PRUNE1: variants seen among roughly 807,000 people sequenced by gnomAD.
PRUNE1 encodes the protein exopolyphosphatase PRUNE1.
Under a neutral mutation model 42.5 loss-of-function variants are expected in PRUNE1, and 25 were observed. The ratio of observed to expected loss-of-function variants is 0.59; its 90% confidence interval spans 0.43 to 0.82. The LOEUF is 0.82. PRUNE1 is among the 40% of genes least tolerant of loss of function. The pLI is 0.00. For missense variants in PRUNE1, 443 were observed against 539.3 expected, an observed-to-expected ratio of 0.82 and a Z score of 1.77; for synonymous variants, 203 against 217.1, an observed-to-expected ratio of 0.93 and a Z score of 0.57.
chr1:151,018,229 C>A, intron 2 of PRUNE1: 1 of 696,454 alleles, frequency 1.4e-6, no homozygotes. Context: ...AAAATTCCTT[C>A]TCTGCAGCAT....
intron 3 of PRUNE1, among the ~76,000 whole-genome samples, chr1:151,023,756 A>G (rs1412067637): frequency 1.3e-5 from 2 of 151,802 alleles, no homozygotes; most frequent in East Asian, 1.9e-4. Context: ...GATGTTGGGT[A>G]TCAAGGGTGT....
At chr1:151,024,854 G>T (rs1674726563) in intron 4 of PRUNE1, 59 bp downstream of exon 4, 1 of 1,514,226 alleles carries the variant, frequency 6.6e-7, no homozygotes, top group African/African-American at 1.4e-5. Flanking sequence ...TGAGAAGGGA[G>T]GGTGGAAAAG....
intron 3 of PRUNE1, among the ~76,000 whole-genome samples, chr1:151,022,443 T>G (rs1321678465): frequency 1.5e-4 from 19 of 130,646 alleles, no homozygotes; most frequent in Admixed American, 4.1e-4. Flanking sequence ...TTAAGAGACG[T>G]AGTCTCGCTC....
rs1675421068 is a variant in PRUNE1, at chr1:151,034,122, A to C, written c.1250A>C (p.Asp417Ala). Residue 417 changes from aspartate (D) to alanine (A), a missense_variant, in exon 8 of 8, where the codon GAT becomes GCT. Physicochemically the swap from Asp to Ala is moderately radical, Grantham distance 126. Coordinates refer to ENST00000271620, the MANE Select transcript of PRUNE1 (RefSeq NM_021222.3). ...CCGACGCCCATGAACAGCTTGGTGG[A>C]TGAGTGCCCTCTAGATCAGGGGCTG... ...LPPTPMNSLV[D>A]ECPLDQGLPK... The C allele has an allele frequency of 1.9e-6, 3 of 1,614,214 alleles. No individual in the cohort carries two copies. The South Asian group carries it at 3.3e-5, about 18-fold the overall frequency.
intron 3 of PRUNE1, among the ~76,000 whole-genome samples, chr1:151,019,599 T>C (rs1278428413): frequency 2.0e-5 from 3 of 150,718 alleles, no homozygotes; most frequent in Admixed American, 6.6e-5. Flanking sequence ...TTTATTGTAA[T>C]AGAAACCTTT....
At chr1:151,012,183 T>C (rs1460249511) in intron 1 of PRUNE1, among the ~76,000 whole-genome samples, 1 of 151,956 alleles carries the variant, frequency 6.6e-6, no homozygotes, top group East Asian at 1.9e-4. Context: ...TTCCTCATGC[T>C]GCTAAGTATA....
chr1:151,008,903 G>T, intron 1 of PRUNE1: 1 of 676,438 alleles, frequency 1.5e-6, no homozygotes, highest in Non-Finnish European at 2.7e-6. Flanking sequence ...CCCGCCTTTG[G>T]GGTCCGCCTG....
chr1:151,018,533 G>A lies in PRUNE1; in HGVS notation c.199G>A (p.Gly67Ser). The A allele has an allele frequency of 5.6e-6, 9 of 1,613,980 alleles. No homozygotes were observed. Among genetic ancestry groups the A allele is most frequent in the African/African-American group, 1.3e-5 (1 of 75,040 alleles). Reference protein sequence around the residue: ...NIKRSELPLRGDIVFFLQKVH... With the variant: ...NIKRSELPLRSDIVFFLQKVH... ...AAAACGTTCTGAACTACCTCTGCGA[G>A]GTGACATTGTCTTCTTTCTTCAGAA... is the stretch of plus-strand genomic sequence containing the variant. Residue 67 changes from glycine to serine, a missense_variant, in exon 3 of 8, where the codon GGT becomes AGT. Transcript: ENST00000271620.
At chr1:151,029,139 C>CT (rs111677543) in intron 7 of PRUNE1, among the ~76,000 whole-genome samples, 195 bp downstream of exon 7, 4,318 of 143,666 alleles carry the variant, frequency 0.03, 182 homozygotes, top group African/African-American at 0.099. Context: ...TATGAATATC[C>CT]TTTTTTTTTT....
At chr1:151,017,778 C>T in intron 1 of PRUNE1, 34 bp from the exon 2 acceptor site, 3 of 1,347,816 alleles carry the variant, frequency 2.2e-6, no homozygotes, top group Non-Finnish European at 3.1e-6. Flanking sequence ...AATAGAGATA[C>T]TTTTGTTAGT....
intron 4 of PRUNE1, 68 bp from the exon 5 acceptor site, chr1:151,025,447 A>G: frequency 6.8e-7 from 1 of 1,473,148 alleles, no homozygotes; most frequent in Non-Finnish European, 9.3e-7. Context: ...TGTGAAGGTT[A>G]TATATGTTCT....
At chr1:151,026,847 CTTTTT>C (rs766393235) in intron 5 of PRUNE1, among the ~76,000 whole-genome samples, 3 of 128,608 alleles carry the variant, frequency 2.3e-5, no homozygotes, top group Non-Finnish European at 3.4e-5. Flanking sequence ...TTCTTTCTTT[CTTTTT>C]TTTTTTTTTT....
rs1334979488 is a variant in PRUNE1, at chr1:151,034,151, A to G, written c.1279A>G (p.Lys427Glu). ...GTGCCCTCTAGATCAGGGGCTGCCT[A>G]AACTCTCTGCTGAGGCCGTCTTCGA... ...DECPLDQGLP[K>E]LSAEAVFEKC... Residue 427 changes from lysine (K) to glutamate (E), a missense_variant, in exon 8 of 8, where the codon AAA (lysine) becomes GAA (glutamate). Coordinates refer to ENST00000271620, the MANE Select transcript of PRUNE1 (RefSeq NM_021222.3). 4 of 1,614,054 alleles carry G rather than the reference A, an allele frequency of 2.5e-6. No homozygotes were observed. The Admixed American group carries it at 5.0e-5, about 20-fold the overall frequency.
intron 7 of PRUNE1, among the ~76,000 whole-genome samples, chr1:151,029,217 A>G (rs1259463634): frequency 1.3e-5 from 2 of 151,788 alleles, no homozygotes; most frequent in Non-Finnish European, 2.9e-5. Flanking sequence ...TAGAGATTCA[A>G]TTCCTACTTT....
At chr1:151,032,644 G>GC (rs1675305407) in intron 7 of PRUNE1, among the ~76,000 whole-genome samples, 1 of 150,204 alleles carries the variant, frequency 6.7e-6, no homozygotes, top group African/African-American at 2.5e-5. Context: ...AACCGGGGAG[G>GC]CAGAGGTTGT....
intron 3 of PRUNE1, among the ~76,000 whole-genome samples, chr1:151,024,231 A>G (rs2102924780): frequency 6.6e-6 from 1 of 152,020 alleles, no homozygotes; most frequent in East Asian, 1.9e-4. Context: ...GGCAGAGGTA[A>G]AAGTAACCAA....
intron 7 of PRUNE1, among the ~76,000 whole-genome samples, chr1:151,029,513 G>T (rs1167129157): frequency 4.0e-5 from 6 of 151,288 alleles, no homozygotes; most frequent in African/African-American, 9.7e-5. Flanking sequence ...GACTACAGGC[G>T]CCCGCCACCA....
At chr1:151,019,448 C>T (rs1453690082) in intron 3 of PRUNE1, among the ~76,000 whole-genome samples, 2 of 149,594 alleles carry the variant, frequency 1.3e-5, no homozygotes, top group African/African-American at 4.9e-5. Flanking sequence ...CCCAGCTACT[C>T]GGGAGGTTGA....
chr1:151,008,570 A>C lies in PRUNE1; in HGVS notation c.-63A>C. 6.3e-7 allele frequency: 1 copy of C among 1,593,984 alleles called. No homozygotes were observed. The highest frequency in any genetic ancestry group is 1.3e-5 in the African/African-American group (1 of 74,290). Reference sequence around the variant, plus strand: ...CGGGCGGGCTGCATTCGTCGGGGAAACCTCTCCTCGACCAGGGGCACCTCT... The same window carrying C: ...CGGGCGGGCTGCATTCGTCGGGGAACCCTCTCCTCGACCAGGGGCACCTCT... On this transcript the variant is annotated 5_prime_UTR_variant, in exon 1 of 8. Coordinates refer to ENST00000271620, the MANE Select transcript of PRUNE1 (RefSeq NM_021222.3).
Sources: allele counts gnomAD v4.1 joint callset (sites outside exome capture counted in the v4.1 genomes callset), GRCh38; gene constraint gnomAD v4.1.1; transcripts MANE v1.5; gene names NCBI Gene and HGNC (gene_info 2026-07-23, HGNC 2026-07-21).